Variants in MGAT4A observed in about 807,000 individuals in gnomAD.
MGAT4A encodes N-acetylglucosaminyltransferase IVa.
Under a neutral mutation model 74.1 loss-of-function variants are expected in MGAT4A, and 33 were observed. The observed-to-expected ratio is 0.45, with a 90% CI of 0.34 to 0.60. The LOEUF is 0.60. Ranked by LOEUF, MGAT4A falls within the 20% of genes least tolerant of loss-of-function variation. The probability of loss-of-function intolerance (pLI) is 0.02; values close to 1 mark genes in which losing one functional copy is unlikely to be tolerated. For synonymous variants in MGAT4A, 198 were observed against 210.4 expected, an observed-to-expected ratio of 0.94 and a Z score of 0.51; for missense variants, 479 against 628.3, an observed-to-expected ratio of 0.76 and a Z score of 2.54.
Position 98,623,319 on chromosome 2 carries a change from C to T in MGAT4A, c.*2247G>A. ...TGTCTTTAAAGAAGTTGTAACAAAT[C>T]ACACCAGGTGCTGCAATAACTTTCT... On this transcript the variant is annotated 3_prime_UTR_variant, in exon 16 of 16. Coordinates refer to ENST00000393487, the MANE Select transcript of MGAT4A (RefSeq NM_012214.3). The T allele has an allele frequency of 1.0e-6, 1 of 985,440 alleles. No individual in the cohort carries two copies. The highest frequency in any genetic ancestry group is 1.2e-6 in the Non-Finnish European group (1 of 829,942). The allele number at this position is 985,440 out of a possible 1,614,324, so 61.0% of individuals were successfully genotyped here.
At chr2:98,668,347 C>A (rs1474520095) in intron 4 of MGAT4A, among the ~76,000 whole-genome samples, 1 of 152,196 alleles carries the variant, frequency 6.6e-6, no homozygotes, top group Admixed American at 6.5e-5. Context: ...CTAAAAGGAG[C>A]CAAGGTACAG....
intron 2 of MGAT4A, among the ~76,000 whole-genome samples, chr2:98,692,617 G>A (rs981689881): frequency 6.6e-6 from 1 of 151,980 alleles, no homozygotes; most frequent in African/African-American, 2.4e-5. Context: ...ATACTGTTTC[G>A]CCTTTTATAC....
At chr2:98,644,638 CT>C (rs531715546) in intron 9 of MGAT4A, among the ~76,000 whole-genome samples, 331 of 144,598 alleles carry the variant, frequency 2.3e-3, no homozygotes, top group Admixed American at 2.1e-3. Flanking sequence ...TAAACATACT[CT>C]TTTTTTTTTT....
intron 5 of MGAT4A, 46 bp downstream of exon 5, chr2:98,663,000 T>C (rs1259871803): frequency 7.3e-7 from 1 of 1,362,054 alleles, no homozygotes. Context: ...GTTTCAACTC[T>C]TATAGGCTAT....
chr2:98,659,674 C>T (rs980002934), intron 5 of MGAT4A, among the ~76,000 whole-genome samples: 4 of 152,172 alleles, frequency 2.6e-5, no homozygotes, highest in Non-Finnish European at 4.4e-5. Flanking sequence ...TTCCCCCTTT[C>T]ACTTGATTCT....
chr2:98,674,920 G>T, intron 4 of MGAT4A, 115 bp downstream of exon 4: 2 of 1,051,872 alleles, frequency 1.9e-6, no homozygotes, highest in Non-Finnish European at 1.4e-6. Context: ...GATGTGCACA[G>T]ATAAAGAAAG....
At chr2:98,640,759 A>G (rs191251400) in intron 10 of MGAT4A, among the ~76,000 whole-genome samples, 49 of 152,352 alleles carry the variant, frequency 3.2e-4, no homozygotes, top group African/African-American at 1.1e-3. Context: ...TAAAATAAGC[A>G]TAGTTAAGGG....
intron 4 of MGAT4A, among the ~76,000 whole-genome samples, chr2:98,667,095 T>C (rs1260520274): frequency 7.9e-6 from 1 of 126,530 alleles, no homozygotes; most frequent in African/African-American, 3.4e-5. Context: ...CTGCACAAGC[T>C]TGCTCTCTGC....
intron 2 of MGAT4A, among the ~76,000 whole-genome samples, chr2:98,711,250 C>G (rs1461599438): frequency 8.0e-6 from 1 of 125,322 alleles, no homozygotes; most frequent in Admixed American, 8.7e-5. Flanking sequence ...ATTAAACTAA[C>G]AAGTTAATTT....
At chr2:98,676,585 T>C (rs1029345517) in intron 3 of MGAT4A, among the ~76,000 whole-genome samples, 1 of 152,120 alleles carries the variant, frequency 6.6e-6, no homozygotes, top group Non-Finnish European at 1.5e-5. Context: ...TTGCTTTATA[T>C]ACAAATATGT....
chr2:98,646,138 T>C (rs987120346), intron 8 of MGAT4A, among the ~76,000 whole-genome samples: 2 of 152,182 alleles, frequency 1.3e-5, no homozygotes, highest in Non-Finnish European at 2.9e-5. Flanking sequence ...CCTATAATTT[T>C]ATTATAACCC....
At chr2:98,687,668 C>G (rs1386137954) in intron 2 of MGAT4A, among the ~76,000 whole-genome samples, 2 of 152,118 alleles carry the variant, frequency 1.3e-5, no homozygotes, top group Non-Finnish European at 2.9e-5. Flanking sequence ...TCATGCTCCC[C>G]CCACCCACCC....
intron 2 of MGAT4A, among the ~76,000 whole-genome samples, chr2:98,685,238 T>TAAAA (rs79947111): frequency 1.5e-5 from 2 of 133,466 alleles, no homozygotes; most frequent in Admixed American, 7.6e-5. Flanking sequence ...CCCTGTCTCT[T>TAAAA]AAAAAAAAAA....
chr2:98,697,308 G>A (rs982609168), intron 2 of MGAT4A, among the ~76,000 whole-genome samples: 3 of 152,122 alleles, frequency 2.0e-5, no homozygotes, highest in Non-Finnish European at 2.9e-5. Flanking sequence ...CTCACACACT[G>A]TATGACTCCA....
chr2:98,639,071 G>A (rs1027162929), intron 12 of MGAT4A, among the ~76,000 whole-genome samples: 1 of 152,158 alleles, frequency 6.6e-6, no homozygotes, highest in Non-Finnish European at 1.5e-5. Flanking sequence ...GATCACCTGA[G>A]GTCAGGAGTT....
In MGAT4A at chr2:98,675,142, C is replaced by T. The variant is rs2104286015; in HGVS notation, c.296G>A (p.Ser99Asn). 1 of 1,608,838 alleles carries T rather than the reference C, an allele frequency of 6.2e-7. No homozygotes were observed. The highest frequency in any genetic ancestry group is 8.5e-7 in the Non-Finnish European group (1 of 1,176,412). ...NTLKLLKELT[S>N]KKSLQVPSIY... ...ACTTGGCACTTGAAGAGATTTTTTGCTTGTTAACTCCTTTAACAGCTTTAG... is the reference window on the plus strand; with the variant it reads ...ACTTGGCACTTGAAGAGATTTTTTGTTTGTTAACTCCTTTAACAGCTTTAG... Residue 99 changes from serine (S) to asparagine (N), a missense_variant, in exon 4 of 16, where the codon AGC (serine) becomes AAC (asparagine). Coordinates refer to ENST00000393487, the MANE Select transcript of MGAT4A (RefSeq NM_012214.3).
rs942674191 is a variant in MGAT4A at position 98,621,251 on chromosome 2, A to G, written c.*4315T>C. 14 of 920,838 alleles carry G rather than the reference A, an allele frequency of 1.5e-5. No individual in the cohort carries two copies. Among genetic ancestry groups the G allele is most frequent in the Non-Finnish European group, 2.1e-5 (14 of 657,456 alleles). 57.0% of individuals were successfully genotyped at this position (920,838 alleles called of 1,614,324 possible). ...CAAGGCTGGATTCAAAGTGTTGGCC[A>G]GGCTGGGTCTTATCTGGAGACTGGA... On this transcript the variant is annotated 3_prime_UTR_variant, in exon 16 of 16. Transcript: ENST00000393487.
intron 4 of MGAT4A, among the ~76,000 whole-genome samples, chr2:98,665,875 T>C (rs1244188379): frequency 6.6e-6 from 1 of 152,200 alleles, no homozygotes; most frequent in Non-Finnish European, 1.5e-5. Context: ...CAGAATGATT[T>C]TGACATAGTC....
At chr2:98,632,686 G>C (rs1351058815) in intron 14 of MGAT4A, among the ~76,000 whole-genome samples, 1 of 152,198 alleles carries the variant, frequency 6.6e-6, no homozygotes, top group Admixed American at 6.5e-5. Flanking sequence ...TCCTTGGCAA[G>C]GACAGCAGCC....
Sources: gnomAD v4.1 joint callset for allele counts (sites outside exome capture counted in the v4.1 genomes callset) on GRCh38, gnomAD v4.1.1 for gene constraint, MANE v1.5 for transcripts, NCBI Gene and HGNC (gene_info 2026-07-23, HGNC 2026-07-21) for gene names.